Variants in RGS22 observed in about 807,000 individuals in gnomAD.
The protein encoded by RGS22 is regulator of G protein signaling 22, also known as regulator of G-protein signaling 22.
RGS22 carries 148 observed loss-of-function variants against 172.9 expected under a neutral mutation model. The ratio of observed to expected loss-of-function variants is 0.86; its 90% CI spans 0.75 to 0.98. The LOEUF is 0.98. Among genes scored for constraint, RGS22 ranks in the 50% least tolerant of loss-of-function variants. The pLI, the probability that RGS22 is intolerant of heterozygous loss-of-function variation, is 0.00. For missense variants in RGS22, 1,347 were observed against 1,440.8 expected (o/e 0.93, Z 1.05); for synonymous variants, 458 against 480.2 (o/e 0.95, Z 0.60).
intron 23 of RGS22, among the ~76,000 whole-genome samples, chr8:99,975,454 G>A (rs545065664): frequency 7.9e-5 from 12 of 151,980 alleles, no homozygotes; most frequent in African/African-American, 1.9e-4. Flanking sequence ...GCTGGCTAGG[G>A]TTATGCTATA....
At position 100,002,290 on chromosome 8, in the gene RGS22, G is replaced by T; in HGVS notation, c.2702C>A (p.Ala901Glu). 6.2e-7 allele frequency: 1 copy of T among 1,611,728 alleles called. No individual in the cohort carries two copies. The highest frequency in any genetic ancestry group is 8.5e-7 in the Non-Finnish European group (1 of 1,179,010). ...TTTGTTTTTAATGTATATAGATTTT[G>T]CCTTCCTTTGATTTCGATCTCTGTA... ...ITYRDRNQRK[A>E]KSIYIKNKYL... Residue 901 changes from alanine (A) to glutamate (E), a missense_variant, in exon 18 of 28, where the codon GCA becomes GAA. Coordinates refer to ENST00000360863, the MANE Select transcript of RGS22 (RefSeq NM_015668.5).
chr8:100,096,628 G>C (rs1812988940), intron 2 of RGS22, among the ~76,000 whole-genome samples: 1 of 145,646 alleles, frequency 6.9e-6, no homozygotes, highest in Non-Finnish European at 1.5e-5. Context: ...TTTTGAGACA[G>C]GTTCTTGCTC....
chr8:99,965,427 C>T lies in RGS22; in HGVS notation c.3523G>A (p.Gly1175Arg), dbSNP rs187452253. ...VLEDEKSGKD[G>R]IKQYANTSVP... ...GAAGTATTTGCATATTGTTTGATTC[C>T]ATCCTGTAATTATATTAAATTAAAT... The change falls in exon 24 of 28, where the codon GGA becomes AGA. Residue 1175 changes from glycine (G) to arginine (R), a missense_variant. Coordinates refer to ENST00000360863, the MANE Select transcript of RGS22 (RefSeq NM_015668.5). 68 of 1,596,808 alleles carry T rather than the reference C, an allele frequency of 4.3e-5. 1 individual carries two copies. The Admixed American group carries it at 7.2e-4, about 17-fold the overall frequency.
chr8:100,073,161 C>A (rs1030114263), intron 4 of RGS22, among the ~76,000 whole-genome samples: 5 of 152,052 alleles, frequency 3.3e-5, no homozygotes, highest in African/African-American at 1.2e-4. Flanking sequence ...ATAAAACAAT[C>A]TCAGTGAGGT....
chr8:99,996,497 G>C lies in RGS22; in HGVS notation c.2983C>G (p.Leu995Val), dbSNP rs1814400703. ...CCGATTTTCTTTTCAGCCTTCTGTA[G>C]TAAGAGCTCTTCTGCTATGTCTTTC... The part of the protein sequence containing the change: ...QMKDIAEELL[L>V]QKAEKKIGVW... Residue 995 changes from leucine to valine, a missense_variant, in exon 20 of 28, where the codon CTA (leucine) becomes GTA (valine). By Grantham distance (32) the Leu-to-Val change is conservative. Transcript: ENST00000360863. The C allele has an allele frequency of 1.2e-6, 2 of 1,613,522 alleles. No homozygotes were observed. The highest frequency in any genetic ancestry group is 1.7e-6 in the Non-Finnish European group (2 of 1,179,646).
chr8:100,056,494 G>A (rs1375717099), intron 9 of RGS22, among the ~76,000 whole-genome samples: 2 of 152,104 alleles, frequency 1.3e-5, no homozygotes, highest in East Asian at 3.9e-4. Flanking sequence ...GAGGCCTAGG[G>A]GAAAAAAAAT....
At chr8:99,993,762 T>C (rs985573675) in intron 20 of RGS22, among the ~76,000 whole-genome samples, 1 of 152,186 alleles carries the variant, frequency 6.6e-6, no homozygotes, top group African/African-American at 2.4e-5. Flanking sequence ...CTAACTCGTT[T>C]TATGAGGCCA....
At chr8:100,045,692 T>C (rs938091038) in intron 11 of RGS22, among the ~76,000 whole-genome samples, 1 of 151,216 alleles carries the variant, frequency 6.6e-6, no homozygotes, top group East Asian at 1.9e-4. Context: ...ACTCAAAAAT[T>C]CTTTTAGGAA....
chr8:100,030,849 G>C (rs1182986951), intron 14 of RGS22, among the ~76,000 whole-genome samples: 1 of 152,080 alleles, frequency 6.6e-6, no homozygotes, highest in Non-Finnish European at 1.5e-5. Flanking sequence ...GCAATAGCAA[G>C]CAAGAAATTT....
intron 4 of RGS22, among the ~76,000 whole-genome samples, chr8:100,075,092 A>T (rs186836038): frequency 3.2e-4 from 49 of 152,206 alleles, no homozygotes; most frequent in Non-Finnish European, 6.3e-4. Context: ...TTGTGTGAGT[A>T]TAACTTTTCA....
Position 100,041,802 on chromosome 8 carries a change from C to T in RGS22, c.1938G>A (p.Arg646=). The T allele has an allele frequency of 1.9e-6, 3 of 1,563,046 alleles. No homozygotes were observed. Among genetic ancestry groups the T allele is most frequent in the Non-Finnish European group, 2.6e-6 (3 of 1,134,532 alleles). The part of the protein sequence containing the change: ...DRRYAYTEEP[R]VKTVSDVGAL... ...TTTATTCAGTCCTCAAAACACTCAC[C>T]CTAGGTTCTTCTGTATAAGCGTATC... The change falls in exon 12 of 28, where the codon AGG becomes AGA. Residue 646 remains arginine, a splice_region_variant and synonymous_variant. Coordinates refer to ENST00000360863, the MANE Select transcript of RGS22 (RefSeq NM_015668.5).
chr8:100,066,268 A>G lies in RGS22; in HGVS notation c.623T>C (p.Phe208Ser). The G allele has an allele frequency of 6.2e-7, 1 of 1,613,534 alleles. No individual in the cohort carries two copies. The highest frequency in any genetic ancestry group is 8.5e-7 in the Non-Finnish European group (1 of 1,179,576). Residue 208 changes from phenylalanine (F) to serine (S), a missense_variant, in exon 7 of 28, where the codon TTT (phenylalanine) becomes TCT (serine). By Grantham distance (155) the Phe-to-Ser change is radical. Coordinates refer to ENST00000360863, the MANE Select transcript of RGS22 (RefSeq NM_015668.5). ...EASYTQTKDWFALAKQSQQTV... is the reference protein window; with the variant it reads ...EASYTQTKDWSALAKQSQQTV... ...TTGCTGACTTTGTTTTGCTAATGCA[A>G]ACCAATCTTTTGTTTGAGTATAGGA...
intron 14 of RGS22, among the ~76,000 whole-genome samples, chr8:100,019,425 A>G (rs1387555317): frequency 1.3e-5 from 2 of 152,228 alleles, no homozygotes; most frequent in Admixed American, 1.3e-4. Context: ...AACACTGATT[A>G]CCTGATGTTC....
At chr8:99,970,698 A>T (rs935455259) in intron 23 of RGS22, among the ~76,000 whole-genome samples, 3 of 152,212 alleles carry the variant, frequency 2.0e-5, no homozygotes, top group Admixed American at 1.3e-4. Context: ...GAATCCCTGA[A>T]TAGACCAATA....
intron 3 of RGS22, among the ~76,000 whole-genome samples, chr8:100,086,534 A>G (rs1317585970): frequency 6.6e-6 from 1 of 152,076 alleles, no homozygotes; most frequent in Admixed American, 6.6e-5. Context: ...ATAAATGGCA[A>G]CAATAGACAC....
chr8:99,962,162 A>T (rs1810270324), intron 27 of RGS22, among the ~76,000 whole-genome samples: 1 of 152,112 alleles, frequency 6.6e-6, no homozygotes, highest in Non-Finnish European at 1.5e-5. Context: ...TGTTCTTTGC[A>T]GAAGAAAACA....
In RGS22 at chr8:100,036,091, G is replaced by T. The variant is rs548580829; in HGVS notation, c.2166+2840C>A. ...CTGCACGTTGTGCACATGTACCCTA[G>T]AACTTAAAACATAATAACAATTTTA... On this transcript the variant is annotated intron_variant, in intron 14 of 27. Transcript: ENST00000360863. Among the ~76,000 whole-genome samples, 19 of 149,692 alleles carry T rather than the reference G, an allele frequency of 1.3e-4. No individual in the cohort carries two copies. In the South Asian group the frequency reaches 3.8e-3, roughly 30 times the overall value.
Position 100,105,959 on chromosome 8 carries a change from C to T in RGS22, c.-38G>A, listed in dbSNP as rs747214742. ...GCCCGCGCCTGGAGCCCGCGCGGGC[C>T]GTCAGGGCCCTAGCGCGCGGGTCCA... On this transcript the variant is annotated 5_prime_UTR_variant, in exon 1 of 28. Coordinates refer to ENST00000360863, the MANE Select transcript of RGS22 (RefSeq NM_015668.5). 3.9e-5 allele frequency: 55 copies of T among 1,420,954 alleles called. 1 individual carries two copies. In the South Asian group the frequency reaches 7.2e-4, roughly 18 times the overall value. The allele number at this position is 1,420,954 out of a possible 1,614,324, so 88.0% of individuals were successfully genotyped here.
intron 23 of RGS22, among the ~76,000 whole-genome samples, chr8:99,967,075 G>T (rs973604162): frequency 1.3e-5 from 2 of 152,212 alleles, no homozygotes; most frequent in Non-Finnish European, 2.9e-5. Flanking sequence ...CACAGAGCAT[G>T]AGCAGAAGCA....
Sources: allele counts gnomAD v4.1 joint callset (sites outside exome capture counted in the v4.1 genomes callset), GRCh38; gene constraint gnomAD v4.1.1; transcripts MANE v1.5; gene names NCBI Gene and HGNC (gene_info 2026-07-23, HGNC 2026-07-21).